The following ADGRB3 variants were observed in gnomAD, a reference collection of about 807,000 sequenced individuals.
ADGRB3 encodes adhesion G protein-coupled receptor B3.
A neutral mutation model predicts 193.4 loss-of-function variants in ADGRB3; 37 were observed. The ratio of observed to expected loss-of-function variants is 0.19; its 90% CI spans 0.15 to 0.25. The LOEUF is 0.25. Ranked by LOEUF, ADGRB3 falls within the 10% of genes least tolerant of loss-of-function variation. The pLI, the probability that ADGRB3 is intolerant of heterozygous loss-of-function variation, is 1.00. For synonymous variants in ADGRB3, 690 were observed against 644.2 expected (o/e 1.07, Z -1.08); for missense variants, 1,637 against 1,852.9 (o/e 0.88, Z 2.14).
At chr6:69,266,231 C>T (rs946716425) in intron 20 of ADGRB3, among the ~76,000 whole-genome samples, 4 of 151,884 alleles carry the variant, frequency 2.6e-5, no homozygotes, top group Non-Finnish European at 4.4e-5. Context: ...GTATATGTAT[C>T]GTCAAAGGAT....
chr6:69,133,118 T>A (rs1175910880), intron 17 of ADGRB3, among the ~76,000 whole-genome samples: 3 of 152,182 alleles, frequency 2.0e-5, no homozygotes, highest in South Asian at 4.1e-4. Flanking sequence ...GGCTCTTTTT[T>A]GGTTCCATAT....
chr6:68,840,162 G>C (rs2127387016), intron 3 of ADGRB3, among the ~76,000 whole-genome samples: 1 of 152,202 alleles, frequency 6.6e-6, no homozygotes, highest in East Asian at 1.9e-4. Context: ...GCAATTCCTA[G>C]AGCTGTTCCA....
At chr6:68,985,543 C>T (rs1379082216) in intron 10 of ADGRB3, among the ~76,000 whole-genome samples, 1 of 152,132 alleles carries the variant, frequency 6.6e-6, no homozygotes, top group Non-Finnish European at 1.5e-5. Flanking sequence ...ACCTATGTGA[C>T]TAGTTCTGGT....
chr6:68,986,345 T>TA (rs1304826190), intron 10 of ADGRB3, among the ~76,000 whole-genome samples: 1 of 152,224 alleles, frequency 6.6e-6, no homozygotes, highest in Non-Finnish European at 1.5e-5. Flanking sequence ...TTCTGAGTTC[T>TA]ATGTGATACC....
At chr6:68,985,423 C>G (rs1769041199) in intron 10 of ADGRB3, among the ~76,000 whole-genome samples, 1 of 152,136 alleles carries the variant, frequency 6.6e-6, no homozygotes, top group Non-Finnish European at 1.5e-5. Flanking sequence ...AGTAAAATGA[C>G]TGTTAGTTAG....
intron 17 of ADGRB3, among the ~76,000 whole-genome samples, chr6:69,140,837 CTAGA>C (rs796902035): frequency 9.2e-5 from 14 of 151,938 alleles, no homozygotes; most frequent in African/African-American, 2.7e-4. Context: ...ACAAGAATTC[CTAGA>C]TAGAGTTAAG....
At chr6:68,881,710 T>C (rs1460751783) in intron 3 of ADGRB3, among the ~76,000 whole-genome samples, 1 of 152,180 alleles carries the variant, frequency 6.6e-6, no homozygotes, top group Non-Finnish European at 1.5e-5. Flanking sequence ...TGGAACACTT[T>C]AGTGTTTTGG....
chr6:69,054,536 A>T (rs602822), intron 15 of ADGRB3, among the ~76,000 whole-genome samples: 21,939 of 152,104 alleles, frequency 0.14, 1,822 homozygotes, highest in South Asian at 0.28. Flanking sequence ...TAGTTTTGTG[A>T]CGTTCTGTAC....
At chr6:69,022,313 T>A (rs1770293263) in intron 13 of ADGRB3, among the ~76,000 whole-genome samples, 1 of 151,872 alleles carries the variant, frequency 6.6e-6, no homozygotes, top group Non-Finnish European at 1.5e-5. Flanking sequence ...ATATCAATAA[T>A]TTTAAAAATG....
chr6:68,871,196 A>G (rs746120555), intron 3 of ADGRB3, among the ~76,000 whole-genome samples: 12 of 152,260 alleles, frequency 7.9e-5, no homozygotes, highest in Non-Finnish European at 1.3e-4. Flanking sequence ...GAACTTGTGC[A>G]GATAGAAAAA....
chr6:69,287,062 C>T (rs937105049), intron 20 of ADGRB3, among the ~76,000 whole-genome samples: 9 of 152,172 alleles, frequency 5.9e-5, no homozygotes, highest in Non-Finnish European at 4.4e-5. Flanking sequence ...ATATTCACAT[C>T]ATATAATGTT....
intron 3 of ADGRB3, among the ~76,000 whole-genome samples, chr6:68,693,185 A>G (rs1172103299): frequency 6.6e-6 from 1 of 151,816 alleles, no homozygotes; most frequent in Non-Finnish European, 1.5e-5. Context: ...GCAATGAGGA[A>G]TTGCTGTGTT....
At chr6:69,279,354 C>T (rs1284313261) in intron 20 of ADGRB3, among the ~76,000 whole-genome samples, 2 of 151,726 alleles carry the variant, frequency 1.3e-5, no homozygotes, top group Admixed American at 6.6e-5. Context: ...AGCTGCAGCT[C>T]ACTCTTGTTG....
chr6:69,107,341 A>G (rs1218527359), intron 17 of ADGRB3, among the ~76,000 whole-genome samples: 1 of 152,244 alleles, frequency 6.6e-6, no homozygotes, highest in Non-Finnish European at 1.5e-5. Context: ...ACTTTCAAAC[A>G]TGCCATTTTA....
chr6:68,868,553 G>T (rs1305766145), intron 3 of ADGRB3, among the ~76,000 whole-genome samples: 6 of 152,028 alleles, frequency 3.9e-5, no homozygotes, highest in Non-Finnish European at 8.8e-5. Context: ...CACAAAACTG[G>T]TTTAAGCAAC....
chr6:69,155,956 TC>T, intron 17 of ADGRB3, among the ~76,000 whole-genome samples: 1 of 152,250 alleles, frequency 6.6e-6, no homozygotes, highest in Non-Finnish European at 1.5e-5. Context: ...TTCTTATGTT[TC>T]TTATATATAT....
intron 3 of ADGRB3, among the ~76,000 whole-genome samples, chr6:68,683,357 CATAAG>C (rs1268738945): frequency 3.3e-5 from 5 of 151,986 alleles, no homozygotes; most frequent in South Asian, 2.1e-4. Context: ...ATTATGATAT[CATAAG>C]ATAAGATGAT....
intron 3 of ADGRB3, among the ~76,000 whole-genome samples, chr6:68,886,107 C>T (rs1385814597): frequency 6.6e-6 from 1 of 152,050 alleles, no homozygotes; most frequent in Non-Finnish European, 1.5e-5. Context: ...AATCAATTTG[C>T]TTGTTACAGT....
At chr6:69,331,949 C>T in intron 23 of ADGRB3, 1 of 985,288 alleles carries the variant, frequency 1.0e-6, no homozygotes, top group Non-Finnish European at 1.2e-6. Flanking sequence ...TAAGTCCATA[C>T]TTAATAGGTA....
Sources: allele counts gnomAD v4.1 joint callset (sites outside exome capture counted in the v4.1 genomes callset), GRCh38; gene constraint gnomAD v4.1.1; transcripts MANE v1.5; gene names NCBI Gene and HGNC (gene_info 2026-07-23, HGNC 2026-07-21).